PELI1: variants seen among roughly 807,000 people sequenced by gnomAD.
The protein encoded by PELI1 is E3 ubiquitin-protein ligase pellino homolog 1.
In PELI1, 15 loss-of-function variants were observed where a neutral mutation model predicts 41.3. The observed-to-expected ratio is 0.36, with a 90% confidence interval of 0.24 to 0.56. The LOEUF (loss-of-function observed/expected upper bound fraction) is 0.56. Among genes scored for constraint, PELI1 ranks in the 20% least tolerant of loss-of-function variants. The pLI is 0.82. For synonymous variants in PELI1, 178 were observed against 180.1 expected (o/e 0.99, Z 0.09); for missense variants, 403 against 525.5 (o/e 0.77, Z 2.28).
chr2:64,105,909 A>G (rs1202029529), intron 2 of PELI1, among the ~76,000 whole-genome samples: 1 of 152,096 alleles, frequency 6.6e-6, no homozygotes, highest in Non-Finnish European at 1.5e-5. Context: ...TGGAGGAGGA[A>G]GTGATTATAA....
chr2:64,125,925 G>C (rs1373799102), intron 1 of PELI1, among the ~76,000 whole-genome samples: 1 of 152,168 alleles, frequency 6.6e-6, no homozygotes, highest in Non-Finnish European at 1.5e-5. Context: ...ATTTGTATAA[G>C]GTGTATATGA....
chr2:64,095,635 G>C (rs989335838), intron 6 of PELI1, among the ~76,000 whole-genome samples: 18 of 152,128 alleles, frequency 1.2e-4, no homozygotes, highest in Admixed American at 4.6e-4. Context: ...ATATTAACAT[G>C]ATATGACAGA....
intron 1 of PELI1, among the ~76,000 whole-genome samples, chr2:64,122,571 C>A (rs1294501728): frequency 6.6e-6 from 1 of 152,152 alleles, no homozygotes; most frequent in Admixed American, 6.5e-5. Flanking sequence ...AGTCCCTTTA[C>A]CTCTAGCCAC....
chr2:64,124,971 G>A (rs947448770), intron 1 of PELI1, among the ~76,000 whole-genome samples: 5 of 151,418 alleles, frequency 3.3e-5, no homozygotes, highest in Admixed American at 2.6e-4. Context: ...TAATTTACTG[G>A]TACAGCTCAC....
intron 3 of PELI1, among the ~76,000 whole-genome samples, chr2:64,100,870 G>A (rs1390026264): frequency 1.3e-5 from 2 of 152,060 alleles, no homozygotes; most frequent in Non-Finnish European, 2.9e-5. Flanking sequence ...GGGACTACAG[G>A]TGCACGCTGC....
At chr2:64,114,706 G>C (rs1269720547) in intron 1 of PELI1, among the ~76,000 whole-genome samples, 1 of 152,126 alleles carries the variant, frequency 6.6e-6, no homozygotes, top group Non-Finnish European at 1.5e-5. Context: ...CTGACATTTT[G>C]ACATTGTGGG....
intron 4 of PELI1, among the ~76,000 whole-genome samples, chr2:64,096,812 G>T (rs951105056): frequency 3.3e-5 from 5 of 152,142 alleles, no homozygotes; most frequent in Non-Finnish European, 7.4e-5. Flanking sequence ...TTAGAGCATG[G>T]AATTAAATGA....
Position 64,094,741 on chromosome 2 carries a change from T to C in PELI1, c.1218A>G (p.Gln406=), listed in dbSNP as rs1175302851. ...PFCAHQLAGE[Q]GYIRLIFQGP... ...CTTGAAAAATAAGTCTGATGTAGCCTTGTTCACCAGCCAACTGATGTGCAC... is the reference window on the plus strand; with the variant it reads ...CTTGAAAAATAAGTCTGATGTAGCCCTGTTCACCAGCCAACTGATGTGCAC... The change falls in exon 7 of 7, where the codon CAA becomes CAG. Residue 406 remains glutamine (Q), a synonymous_variant. Coordinates refer to ENST00000358912, the MANE Select transcript of PELI1 (RefSeq NM_020651.4). 1.9e-6 allele frequency: 3 copies of C among 1,614,182 alleles called. No homozygotes were observed. Among genetic ancestry groups the C allele is most frequent in the Non-Finnish European group, 2.5e-6 (3 of 1,179,990 alleles).
In PELI1 at chr2:64,096,190, T is replaced by C; in HGVS notation, c.625A>G (p.Ile209Val). ...EDSKPGIWRE[I>V]SVCGNVFSLR... is the part of the protein sequence containing the mutation. ...CTAAATACATTTCCACACACCGATA[T>C]TTCTCTCCATATTCCAGGCTTGGAG... The change falls in exon 6 of 7, where the codon ATA becomes GTA. Residue 209 changes from isoleucine to valine, a missense_variant. Physicochemically the swap from Ile to Val is conservative, Grantham distance 29 (BLOSUM62 3). Transcript: ENST00000358912. 1.2e-6 allele frequency: 2 copies of C among 1,614,168 alleles called. No homozygotes were observed. Among genetic ancestry groups the C allele is most frequent in the Non-Finnish European group, 8.5e-7 (1 of 1,179,980 alleles).
chr2:64,121,921 AAG>A (rs1196432482), intron 1 of PELI1, among the ~76,000 whole-genome samples: 1 of 152,114 alleles, frequency 6.6e-6, no homozygotes, highest in Non-Finnish European at 1.5e-5. Flanking sequence ...AAAAAAAAAA[AAG>A]AGTATTATAA....
chr2:64,119,419 T>C (rs1423521002), intron 1 of PELI1, among the ~76,000 whole-genome samples: 1 of 152,188 alleles, frequency 6.6e-6, no homozygotes, highest in Non-Finnish European at 1.5e-5. Flanking sequence ...ACAGAAAACC[T>C]TCTCACAGAA....
chr2:64,123,094 G>A (rs1433326996), intron 1 of PELI1, among the ~76,000 whole-genome samples: 1 of 152,218 alleles, frequency 6.6e-6, no homozygotes, highest in Non-Finnish European at 1.5e-5. Context: ...CAGCCAATAA[G>A]TAACTCCTAC....
chr2:64,137,342 G>A (rs1681749650), intron 1 of PELI1, among the ~76,000 whole-genome samples: 1 of 152,276 alleles, frequency 6.6e-6, no homozygotes, highest in East Asian at 1.9e-4. Flanking sequence ...CCTTCCCCAA[G>A]TGTATGCCAT....
chr2:64,133,956 C>T (rs1163411919), intron 1 of PELI1, among the ~76,000 whole-genome samples: 2 of 152,106 alleles, frequency 1.3e-5, no homozygotes, highest in Non-Finnish European at 2.9e-5. Context: ...CTGACTCAGA[C>T]TGCTTTCTGA....
chr2:64,109,919 A>G (rs1325305768), intron 1 of PELI1, among the ~76,000 whole-genome samples: 2 of 152,164 alleles, frequency 1.3e-5, no homozygotes, highest in African/African-American at 4.8e-5. Context: ...CTGGACACAC[A>G]TGTCAAAAAG....
At chr2:64,122,556 G>A (rs1175186558) in intron 1 of PELI1, among the ~76,000 whole-genome samples, 1 of 151,916 alleles carries the variant, frequency 6.6e-6, no homozygotes, top group African/African-American at 2.4e-5. Context: ...GGACTCATTC[G>A]TCACAGTCCC....
chr2:64,130,301 G>A (rs962604274), intron 1 of PELI1, among the ~76,000 whole-genome samples: 3 of 152,048 alleles, frequency 2.0e-5, no homozygotes, highest in African/African-American at 4.8e-5. Context: ...ACTATGCTAC[G>A]TTCATATATC....
In PELI1 at chr2:64,092,830, AAATGAAC is replaced by A. The variant is rs1419123824; in HGVS notation, c.*1865_*1871del. 1 of 152,240 alleles carries A rather than the reference AAATGAAC, an allele frequency of 6.6e-6. No homozygotes were observed. The highest frequency in any genetic ancestry group is 1.5e-5 in the Non-Finnish European group (1 of 68,048). 9.4% of individuals were successfully genotyped at this position (152,240 alleles called of 1,614,324 possible). A position where few individuals can be genotyped will look rare whatever the true frequency, so the allele number is the denominator to read the frequency against. ...TGGTTTCTCATTCTCGATTATGCAAAAATGAACTCACAGAGACGAATTCAATTATGTA... is the reference window on the plus strand; with the variant it reads ...TGGTTTCTCATTCTCGATTATGCAAATCACAGAGACGAATTCAATTATGTA... On this transcript the variant is annotated 3_prime_UTR_variant, in exon 7 of 7. Transcript: ENST00000358912.
chr2:64,121,105 A>C (rs1352300105), intron 1 of PELI1, among the ~76,000 whole-genome samples: 1 of 152,178 alleles, frequency 6.6e-6, no homozygotes, highest in Admixed American at 6.5e-5. Context: ...CAGCGAAATA[A>C]ATCTGCGCAG....
Sources: allele counts gnomAD v4.1 joint callset (sites outside exome capture counted in the v4.1 genomes callset), GRCh38; gene constraint gnomAD v4.1.1; transcripts MANE v1.5; gene names NCBI Gene and HGNC (gene_info 2026-07-23, HGNC 2026-07-21).